The following PLD5 variants were observed in gnomAD, a reference collection of about 807,000 sequenced individuals.
The protein encoded by PLD5 is phospholipase D family member 5.
PLD5 carries 36 observed loss-of-function variants against 61.1 expected under a neutral mutation model. The observed-to-expected ratio is 0.59, with a 90% CI of 0.45 to 0.78. The LOEUF (loss-of-function observed/expected upper bound fraction) is 0.78, where lower values mean the gene tolerates loss of function less well. Among genes scored for constraint, PLD5 ranks in the 30% least tolerant of loss-of-function variants. The pLI is 0.00. For missense variants in PLD5, 515 were observed against 644.4 expected (o/e 0.80, Z 2.17); for synonymous variants, 243 against 242.8 (o/e 1.00, Z -0.01).
Position 242,100,782 on chromosome 1 carries a change from T to C in PLD5, c.1240A>G (p.Lys414Glu), listed in dbSNP as rs1660621024. The change falls in exon 9 of 10, where the codon AAA becomes GAA. Residue 414 changes from lysine (K) to glutamate (E), a missense_variant and splice_region_variant. Around this residue, in one of 2 missense-constraint regions of PLD5, gnomAD observed 450 missense variants for 598.1 expected, o/e 0.75. Transcript: ENST00000536534. ...TEIANCSLKV[K>E]FFDLERENAC... Reference sequence around the variant, plus strand: ...TTCTCTCTTTCCAGATCAAAAAATTTCTGTAAGAAAAAAAAAAAGGGGGCA... The same window carrying C: ...TTCTCTCTTTCCAGATCAAAAAATTCCTGTAAGAAAAAAAAAAAGGGGGCA... The C allele has an allele frequency of 6.2e-7, 1 of 1,604,638 alleles. No homozygotes were observed. The highest frequency in any genetic ancestry group is 8.5e-7 in the Non-Finnish European group (1 of 1,175,492).
At position 242,165,923 on chromosome 1, in the gene PLD5, T is replaced by C. The variant is rs563768727; in HGVS notation, c.736-41258A>G. The stretch of plus-strand genomic sequence containing the variant: ...CCCTTGTACAAACTACTAGCTGCCA[T>C]GCATTCTCCATCTCTGCCTGACTGT... On this transcript the variant is annotated intron_variant, in intron 5 of 9. Coordinates refer to ENST00000536534, the MANE Select transcript of PLD5 (RefSeq NM_001372062.1). Among the ~76,000 whole-genome samples, 4 of 152,330 alleles carry C rather than the reference T, an allele frequency of 2.6e-5. No individual in the cohort carries two copies. The South Asian group carries it at 6.2e-4, about 24-fold the overall frequency.
At chr1:242,398,712 T>G (rs1452344173) in intron 1 of PLD5, among the ~76,000 whole-genome samples, 1 of 152,190 alleles carries the variant, frequency 6.6e-6, no homozygotes, top group African/African-American at 2.4e-5. Flanking sequence ...ACGAGGAGAA[T>G]AATACCTAAC....
chr1:242,163,020 T>TATTA (rs921414940), intron 5 of PLD5, among the ~76,000 whole-genome samples: 3 of 152,184 alleles, frequency 2.0e-5, no homozygotes, highest in African/African-American at 7.2e-5. Context: ...TACAGGTGTT[T>TATTA]ATTAGTTTGT....
At chr1:242,301,760 T>A (rs1676048316) in intron 2 of PLD5, among the ~76,000 whole-genome samples, 2 of 51,494 alleles carry the variant, frequency 3.9e-5, no homozygotes, top group Admixed American at 2.0e-4. Flanking sequence ...TTTTATTTTT[T>A]AAAACATTAT....
At chr1:242,247,528 A>G (rs1161315586) in intron 4 of PLD5, among the ~76,000 whole-genome samples, 2 of 152,132 alleles carry the variant, frequency 1.3e-5, no homozygotes, top group African/African-American at 4.8e-5. Flanking sequence ...ATAATTCTGT[A>G]TCTTATGGTC....
At chr1:242,489,588 CTT>C (rs1482638448) in intron 1 of PLD5, among the ~76,000 whole-genome samples, 1 of 152,112 alleles carries the variant, frequency 6.6e-6, no homozygotes, top group Non-Finnish European at 1.5e-5. Context: ...CTTCTGAAGA[CTT>C]TTCTACATTT....
At chr1:242,309,845 C>T (rs932079431) in intron 2 of PLD5, among the ~76,000 whole-genome samples, 33 of 84,572 alleles carry the variant, frequency 3.9e-4, no homozygotes, top group Admixed American at 9.3e-4. Context: ...TCCTGCCTGA[C>T]GGGAATAAAT....
chr1:242,327,422 ACTG>A (rs1485070540), intron 2 of PLD5, among the ~76,000 whole-genome samples: 3 of 152,256 alleles, frequency 2.0e-5, no homozygotes, highest in South Asian at 2.1e-4. Context: ...TTCTTTACTG[ACTG>A]CTATTTCAAA....
intron 5 of PLD5, among the ~76,000 whole-genome samples, chr1:242,163,291 C>G (rs1474719878): frequency 1.1e-4 from 17 of 151,822 alleles, no homozygotes; most frequent in Non-Finnish European, 1.3e-4. Context: ...CTACAGGCGC[C>G]CGCCACCACG....
At chr1:242,521,976 AT>A (rs1297866010) in intron 1 of PLD5, among the ~76,000 whole-genome samples, 1 of 150,098 alleles carries the variant, frequency 6.7e-6, no homozygotes, top group Non-Finnish European at 1.5e-5. Flanking sequence ...TTCAAAAAAA[AT>A]TTATATTGTA....
chr1:242,091,881 G>T (rs1427289350), intron 9 of PLD5, among the ~76,000 whole-genome samples: 2 of 144,856 alleles, frequency 1.4e-5, no homozygotes, highest in Non-Finnish European at 3.0e-5. Flanking sequence ...AGGCTGGAAT[G>T]CGGTGGTACA....
intron 1 of PLD5, among the ~76,000 whole-genome samples, chr1:242,382,106 C>T (rs1662315748): frequency 7.3e-6 from 1 of 137,648 alleles, no homozygotes; most frequent in South Asian, 2.2e-4. Flanking sequence ...ACTCAGGCAA[C>T]TGATAGCGGA....
At chr1:242,521,433 C>G (rs936958754) in intron 1 of PLD5, among the ~76,000 whole-genome samples, 1 of 143,360 alleles carries the variant, frequency 7.0e-6, no homozygotes, top group African/African-American at 2.6e-5. Flanking sequence ...TAATCTATCC[C>G]TCTGAAGTCT....
chr1:242,130,462 A>T (rs1379961915), intron 5 of PLD5, among the ~76,000 whole-genome samples: 1 of 152,218 alleles, frequency 6.6e-6, no homozygotes, highest in African/African-American at 2.4e-5. Context: ...ATGCGTAGAT[A>T]CACAGTAGTG....
chr1:242,431,451 C>A (rs538347363), intron 1 of PLD5, among the ~76,000 whole-genome samples: 1 of 152,208 alleles, frequency 6.6e-6, no homozygotes, highest in Non-Finnish European at 1.5e-5. Flanking sequence ...TCATCCACAT[C>A]ATTCTGCCTA....
chr1:242,180,271 T>C (rs1667438762), intron 5 of PLD5, among the ~76,000 whole-genome samples: 1 of 152,206 alleles, frequency 6.6e-6, no homozygotes, highest in Non-Finnish European at 1.5e-5. Flanking sequence ...AAAATATCAA[T>C]ATAGGGCTGA....
At chr1:242,186,009 A>C (rs1015332879) in intron 5 of PLD5, among the ~76,000 whole-genome samples, 1 of 152,084 alleles carries the variant, frequency 6.6e-6, no homozygotes, top group African/African-American at 2.4e-5. Flanking sequence ...CCTAGCCCAG[A>C]GTGTGGAGGA....
intron 1 of PLD5, among the ~76,000 whole-genome samples, chr1:242,460,526 A>C (rs2102936590): frequency 6.6e-6 from 1 of 152,278 alleles, no homozygotes; most frequent in Middle Eastern, 3.4e-3. Flanking sequence ...TTCAAACTTG[A>C]TTTGAGAATG....
intron 1 of PLD5, among the ~76,000 whole-genome samples, chr1:242,417,718 A>G (rs1664907724): frequency 6.6e-6 from 1 of 152,210 alleles, no homozygotes; most frequent in African/African-American, 2.4e-5. Context: ...CCCTGCATCA[A>G]TAGGTCCTGC....
Sources: gnomAD v4.1 joint callset for allele counts (sites outside exome capture counted in the v4.1 genomes callset) on GRCh38, gnomAD v4.1.1 for gene constraint, gnomAD v4.1.1 regional missense constraint, MANE v1.5 for transcripts, NCBI Gene and HGNC (gene_info 2026-07-23, HGNC 2026-07-21) for gene names.